The following SRRM4 variants were observed in gnomAD, a reference collection of about 807,000 sequenced individuals.
The protein encoded by SRRM4 is serine/arginine repetitive matrix 4.
In SRRM4, 33 loss-of-function variants were observed where a neutral mutation model predicts 68.9. The ratio of observed to expected loss-of-function variants is 0.48; its 90% CI spans 0.36 to 0.64. The LOEUF (loss-of-function observed/expected upper bound fraction) is 0.64, where lower values mean the gene tolerates loss of function less well. Among genes scored for constraint, SRRM4 ranks in the 30% least tolerant of loss-of-function variants. The pLI, the probability that SRRM4 is intolerant of heterozygous loss-of-function variation, is 0.00. For missense variants in SRRM4, 817 were observed against 827.1 expected (o/e 0.99, Z 0.15); for synonymous variants, 318 against 318.8 (o/e 1.00, Z 0.03).
intron 7 of SRRM4, among the ~76,000 whole-genome samples, chr12:119,126,651 C>T (rs1954263150): frequency 1.3e-5 from 2 of 152,156 alleles, no homozygotes; most frequent in Admixed American, 1.3e-4. Context: ...TTGTCCCAAC[C>T]TGAGAAGGCA....
intron 9 of SRRM4, among the ~76,000 whole-genome samples, chr12:119,150,308 C>A (rs995105210): frequency 2.0e-5 from 3 of 152,082 alleles, no homozygotes; most frequent in Non-Finnish European, 4.4e-5. Context: ...CCCATCTCTA[C>A]TAAAAATACA....
At chr12:119,104,291 C>T (rs1198977515) in intron 2 of SRRM4, among the ~76,000 whole-genome samples, 1 of 151,902 alleles carries the variant, frequency 6.6e-6, no homozygotes, top group East Asian at 1.9e-4. Context: ...TTATGAAAAT[C>T]TGAAAAAATG....
chr12:118,982,573 C>A (rs1261960883), intron 1 of SRRM4, among the ~76,000 whole-genome samples: 1 of 152,044 alleles, frequency 6.6e-6, no homozygotes, highest in Admixed American at 6.6e-5. Flanking sequence ...CTGCTGAATT[C>A]TCTCCTCTCC....
intron 1 of SRRM4, among the ~76,000 whole-genome samples, chr12:119,066,851 G>C (rs540877683): frequency 5.3e-5 from 8 of 152,148 alleles, no homozygotes; most frequent in Non-Finnish European, 8.8e-5. Context: ...CTGTCTTCCT[G>C]CTACTGGCTC....
In SRRM4 at chr12:119,160,774, G is replaced by A. The variant is rs982042670; in HGVS notation, c.*3976G>A. 4 of 152,154 alleles carry A rather than the reference G, an allele frequency of 2.6e-5. No homozygotes were observed. Among genetic ancestry groups the A allele is most frequent in the Non-Finnish European group, 5.9e-5 (4 of 68,032 alleles). 9.4% of individuals were successfully genotyped at this position (152,154 alleles called of 1,614,324 possible). ...GCTTCACTGAGACTCAGAGGGAAAA[G>A]GAAAAGAGCCTCAAACATTTTTAGG... is the stretch of plus-strand genomic sequence containing the variant. On this transcript the variant is annotated 3_prime_UTR_variant, in exon 13 of 13. Coordinates refer to ENST00000267260, the MANE Select transcript of SRRM4 (RefSeq NM_194286.4).
At chr12:119,126,547 G>T (rs996485803) in intron 7 of SRRM4, among the ~76,000 whole-genome samples, 1 of 152,152 alleles carries the variant, frequency 6.6e-6, no homozygotes, top group Non-Finnish European at 1.5e-5. Flanking sequence ...AGCAAACTAT[G>T]TAAACCCAAA....
intron 8 of SRRM4, among the ~76,000 whole-genome samples, chr12:119,134,672 G>C (rs2136059885): frequency 6.6e-6 from 1 of 152,296 alleles, no homozygotes; most frequent in East Asian, 1.9e-4. Flanking sequence ...AAACAGAAAA[G>C]TGACACTTAC....
At chr12:119,144,226 C>G (rs1362165188) in intron 8 of SRRM4, among the ~76,000 whole-genome samples, 2 of 152,106 alleles carry the variant, frequency 1.3e-5, no homozygotes, top group Non-Finnish European at 2.9e-5. Context: ...CTCGTGCCCC[C>G]TCAATATTCA....
chr12:118,981,995 C>T lies in SRRM4; in HGVS notation c.113C>T (p.Ala38Val). 1 of 1,609,756 alleles carries T rather than the reference C, an allele frequency of 6.2e-7. No homozygotes were observed. Among genetic ancestry groups the T allele is most frequent in the Non-Finnish European group, 8.5e-7 (1 of 1,178,450 alleles). Residue 38 changes from alanine (A) to valine (V), a missense_variant, in exon 1 of 13, where the codon GCC (alanine) becomes GTC (valine). Physicochemically the swap from Ala to Val is moderately conservative, Grantham distance 64. Transcript: ENST00000267260. ...AGCATCATTGTCGCCAGTATCACGG[C>T]CCGCAAGCCGCTGCCAAGGTAATGA... is the stretch of plus-strand genomic sequence containing the variant. ...PESIIVASIT[A>V]RKPLPRTEPQ...
At chr12:119,039,537 G>T (rs1953651860) in intron 1 of SRRM4, among the ~76,000 whole-genome samples, 1 of 152,128 alleles carries the variant, frequency 6.6e-6, no homozygotes, top group African/African-American at 2.4e-5. Context: ...GAACCAATAT[G>T]CAGGGTGACC....
chr12:119,076,116 T>C (rs967071581), intron 1 of SRRM4, among the ~76,000 whole-genome samples: 1 of 151,764 alleles, frequency 6.6e-6, no homozygotes, highest in African/African-American at 2.4e-5. Context: ...GTGATGAGGA[T>C]AGTGACAATG....
At chr12:119,035,498 T>C (rs1953620849) in intron 1 of SRRM4, among the ~76,000 whole-genome samples, 2 of 152,252 alleles carry the variant, frequency 1.3e-5, no homozygotes, top group Admixed American at 1.3e-4. Context: ...CTTCCCATTC[T>C]ACAATTTTGG....
Position 119,151,214 on chromosome 12 carries a change from A to G in SRRM4, c.1274A>G (p.Glu425Gly), listed in dbSNP as rs552602160. The change falls in exon 10 of 13, where the codon GAA becomes GGA. Residue 425 changes from glutamate to glycine, a missense_variant. Glu to Gly is a moderately conservative substitution (Grantham distance 98, BLOSUM62 -2). Transcript: ENST00000267260. The part of the protein sequence containing the change: ...RYTQSRSTSS[E>G]KRSYSRSPSY... Reference sequence around the variant, plus strand: ...ACCCAAAGCCGATCCACCTCTTCTGAAAAAAGGTGAGTGTGGTTTTGACCT... The same window carrying G: ...ACCCAAAGCCGATCCACCTCTTCTGGAAAAAGGTGAGTGTGGTTTTGACCT... 1.9e-6 allele frequency: 3 copies of G among 1,613,360 alleles called. No homozygotes were observed. Among genetic ancestry groups the G allele is most frequent in the Non-Finnish European group, 2.5e-6 (3 of 1,179,296 alleles).
At chr12:119,043,877 T>C (rs1303013971) in intron 1 of SRRM4, among the ~76,000 whole-genome samples, 1 of 151,902 alleles carries the variant, frequency 6.6e-6, no homozygotes, top group Non-Finnish European at 1.5e-5. Flanking sequence ...TTGTTTTTTG[T>C]TTTTTGAGAC....
intron 1 of SRRM4, among the ~76,000 whole-genome samples, chr12:119,052,773 C>T (rs192629463): frequency 7.2e-5 from 11 of 152,182 alleles, no homozygotes; most frequent in Admixed American, 2.0e-4. Flanking sequence ...CGTGATCTGC[C>T]CCACCTCGGC....
At chr12:119,096,497 T>G (rs1954045499) in intron 1 of SRRM4, among the ~76,000 whole-genome samples, 3 of 152,160 alleles carry the variant, frequency 2.0e-5, no homozygotes, top group Non-Finnish European at 4.4e-5. Flanking sequence ...GTTAGCTCAG[T>G]GTCTGGTGTG....
At position 119,076,581 on chromosome 12, in the gene SRRM4, A is replaced by G. The variant is rs367554751; in HGVS notation, c.132-25655A>G. 9.8e-5 allele frequency among the ~76,000 whole-genome samples: 15 copies of G among 152,362 alleles called. No homozygotes were observed. In the South Asian group the frequency reaches 2.1e-3, roughly 21 times the overall value. On this transcript the variant is annotated intron_variant, in intron 1 of 12. Coordinates refer to ENST00000267260, the MANE Select transcript of SRRM4 (RefSeq NM_194286.4). ...TATATTAAAATGATATCAAAGTTGT[A>G]AAGTAAGAAATGTAATAAAAGCGTT...
Position 119,145,560 on chromosome 12 carries a change from C to CAAG in SRRM4, c.953_955dup (p.Lys318dup). 1 of 1,605,436 alleles carries CAAG rather than the reference C, an allele frequency of 6.2e-7. No homozygotes were observed. The highest frequency in any genetic ancestry group is 8.5e-7 in the Non-Finnish European group (1 of 1,175,444). ...AGGGGAGCCCCAGTGGGGGCTTGAGCAAGAGCCGGGAGCTCAACAGTGGCA... is the reference window on the plus strand; with the variant it reads ...AGGGGAGCCCCAGTGGGGGCTTGAGCAAGAAGAGCCGGGAGCTCAACAGTGGCA... On this transcript the variant is annotated inframe_insertion, in exon 9 of 13. Coordinates refer to ENST00000267260, the MANE Select transcript of SRRM4 (RefSeq NM_194286.4).
intron 1 of SRRM4, among the ~76,000 whole-genome samples, chr12:119,054,118 A>G (rs1953762410): frequency 6.6e-6 from 1 of 152,220 alleles, no homozygotes; most frequent in African/African-American, 2.4e-5. Flanking sequence ...TAGATTCCAC[A>G]AACAAGTGAG....
Sources: allele counts gnomAD v4.1 joint callset (sites outside exome capture counted in the v4.1 genomes callset), GRCh38; gene constraint gnomAD v4.1.1; transcripts MANE v1.5; gene names NCBI Gene and HGNC (gene_info 2026-07-23, HGNC 2026-07-21).